Variants in ANKRD55 observed in about 807,000 individuals in gnomAD.
The protein encoded by ANKRD55 is ankyrin repeat domain-containing protein 55.
In ANKRD55, 41 loss-of-function variants were observed where a neutral mutation model predicts 60.6. The observed-to-expected ratio is 0.68, with a 90% CI of 0.53 to 0.88. The LOEUF (loss-of-function observed/expected upper bound fraction) is 0.88, where lower values mean the gene tolerates loss of function less well. Ranked by LOEUF, ANKRD55 falls within the 40% of genes least tolerant of loss-of-function variation. ANKRD55 has a pLI of 0.00. For synonymous variants in ANKRD55, 264 were observed against 290.3 expected (o/e 0.91, Z 0.92); for missense variants, 732 against 767.6 (o/e 0.95, Z 0.55).
At chr5:56,155,126 T>C (rs1196208343) in intron 6 of ANKRD55, among the ~76,000 whole-genome samples, 1 of 151,558 alleles carries the variant, frequency 6.6e-6, no homozygotes, top group Non-Finnish European at 1.5e-5. Context: ...AGGGTTTCTG[T>C]GGTCCCATCT....
At chr5:56,155,095 G>T (rs893619820) in intron 6 of ANKRD55, among the ~76,000 whole-genome samples, 4 of 151,964 alleles carry the variant, frequency 2.6e-5, no homozygotes, top group African/African-American at 9.7e-5. Context: ...AGCTGGGTAT[G>T]GTTGTGCATG....
intron 6 of ANKRD55, among the ~76,000 whole-genome samples, chr5:56,158,202 C>T (rs1397020008): frequency 6.6e-6 from 1 of 151,914 alleles, no homozygotes; most frequent in African/African-American, 2.4e-5. Flanking sequence ...AAGGCAGATG[C>T]GGGGGCATCT....
Position 56,159,858 on chromosome 5 carries a change from C to T in ANKRD55, c.458G>A (p.Ser153Asn), listed in dbSNP as rs1758281541. Residue 153 changes from serine (S) to asparagine (N), a missense_variant, in exon 6 of 12, where the codon AGC becomes AAC. By Grantham distance (46) the Ser-to-Asn change is conservative. Coordinates refer to ENST00000341048, the MANE Select transcript of ANKRD55 (RefSeq NM_024669.3). ...CTCATTGTCCTGGTGATTAATCTCGCTGATGTTCGACTGTTGCAACAGGAC... is the reference window on the plus strand; with the variant it reads ...CTCATTGTCCTGGTGATTAATCTCGTTGATGTTCGACTGTTGCAACAGGAC... ...LTVLLQQSNI[S>N]EINHQDNEGM... 1 of 1,613,886 alleles carries T rather than the reference C, an allele frequency of 6.2e-7. No homozygotes were observed. Among genetic ancestry groups the T allele is most frequent in the Non-Finnish European group, 8.5e-7 (1 of 1,179,880 alleles).
chr5:56,206,545 A>G (rs1230190848), intron 2 of ANKRD55, among the ~76,000 whole-genome samples: 3 of 152,168 alleles, frequency 2.0e-5, no homozygotes, highest in East Asian at 1.9e-4. Context: ...GCATCATGCA[A>G]TGGAGGAGTG....
At chr5:56,209,295 G>C (rs941135951) in intron 2 of ANKRD55, among the ~76,000 whole-genome samples, 8 of 152,018 alleles carry the variant, frequency 5.3e-5, no homozygotes, top group Admixed American at 1.3e-4. Context: ...CATGTCATAA[G>C]ATAAAATTTG....
In ANKRD55 at chr5:56,111,108, A is replaced by G. The variant is rs778112997; in HGVS notation, c.1630+10T>C. On this transcript the variant is annotated intron_variant, in intron 10 of 11. Coordinates refer to ENST00000341048, the MANE Select transcript of ANKRD55 (RefSeq NM_024669.3). ...CCTGCTGAGAATGAACATGAAATCA[A>G]GGACATTACCTGATGATGGATTATG... 7 of 1,607,202 alleles carry G rather than the reference A, an allele frequency of 4.4e-6. No homozygotes were observed. The highest frequency in any genetic ancestry group is 1.3e-5 in the African/African-American group (1 of 74,798).
chr5:56,116,854 G>A (rs1756902526), intron 8 of ANKRD55, 72 bp from the exon 9 acceptor site: 1 of 1,418,118 alleles, frequency 7.1e-7, no homozygotes, highest in Admixed American at 2.9e-5. Flanking sequence ...GCCAGCAACA[G>A]CTCCTGCTCA....
intron 2 of ANKRD55, among the ~76,000 whole-genome samples, chr5:56,210,592 G>C (rs994132843): frequency 9.5e-5 from 14 of 147,548 alleles, no homozygotes; most frequent in African/African-American, 3.5e-4. Flanking sequence ...AAAAGAAAGT[G>C]CTTTATATAC....
At position 56,127,074 on chromosome 5, in the gene ANKRD55, C is replaced by T. The variant is rs777177240; in HGVS notation, c.645G>A (p.Leu215=). The part of the protein sequence containing the change: ...SGNRILCSII[L]SHHQGPSIIN... Reference sequence around the variant, plus strand: ...TTATGGACGGCCCCTGGTGATGGCTCAGAATGATGGAGCACAGAATCCTAT... The same window carrying T: ...TTATGGACGGCCCCTGGTGATGGCTTAGAATGATGGAGCACAGAATCCTAT... The change falls in exon 8 of 12, where the codon CTG becomes CTA. Residue 215 remains leucine (L), a synonymous_variant. Transcript: ENST00000341048. The T allele has an allele frequency of 6.8e-6, 11 of 1,612,914 alleles. No individual in the cohort carries two copies. The East Asian group carries it at 1.6e-4, about 23-fold the overall frequency.
chr5:56,188,568 C>T (rs963699423), intron 2 of ANKRD55, among the ~76,000 whole-genome samples: 2 of 152,092 alleles, frequency 1.3e-5, no homozygotes, highest in Non-Finnish European at 2.9e-5. Flanking sequence ...CTTTTATTGA[C>T]GAGACTGTCC....
At chr5:56,199,036 C>T (rs1206292689) in intron 2 of ANKRD55, among the ~76,000 whole-genome samples, 3 of 151,928 alleles carry the variant, frequency 2.0e-5, no homozygotes, top group Admixed American at 6.6e-5. Flanking sequence ...GCCGAGATCG[C>T]GCCACTGCAC....
At chr5:56,166,154 C>CTTCT (rs1554040809) in intron 5 of ANKRD55, among the ~76,000 whole-genome samples, 2,215 of 71,472 alleles carry the variant, frequency 0.031, 219 homozygotes, top group African/African-American at 0.094. Context: ...TTCTTTCTTT[C>CTTCT]TTCTTTCCTT....
intron 10 of ANKRD55, among the ~76,000 whole-genome samples, chr5:56,105,275 T>A (rs549979690): frequency 2.0e-5 from 3 of 152,172 alleles, no homozygotes; most frequent in Non-Finnish European, 2.9e-5. Context: ...TTAGTAGAGA[T>A]GGGGTTTCAC....
chr5:56,112,512 A>AAAAAACAAACAAAAAAAAAAAAAACC, intron 9 of ANKRD55, among the ~76,000 whole-genome samples: 1 of 111,442 alleles, frequency 9.0e-6, no homozygotes. Context: ...AGCAAAAAAA[A>AAAAAACAAACAAAAAAAAAAAAAACC]AAAAAAAAAA....
chr5:56,137,187 G>A (rs548605632), intron 7 of ANKRD55: 70 of 1,607,032 alleles, frequency 4.4e-5, no homozygotes, highest in Admixed American at 1.2e-4. Flanking sequence ...TGGCAAGTGT[G>A]CCCAGGCCAA....
intron 7 of ANKRD55, among the ~76,000 whole-genome samples, chr5:56,142,012 C>T (rs1183234782): frequency 4.6e-5 from 7 of 152,056 alleles, no homozygotes; most frequent in Non-Finnish European, 1.0e-4. Context: ...ATGATTTTGC[C>T]AAAGTGCCTC....
intron 4 of ANKRD55, among the ~76,000 whole-genome samples, chr5:56,173,572 CTCTCTCTCTCTA>C (rs1253729673): frequency 9.5e-4 from 101 of 106,050 alleles, no homozygotes; most frequent in African/African-American, 3.0e-3. Context: ...CTCTCTCTCT[CTCTCTCTCTCTA>C]TATATATATA....
chr5:56,213,554 C>G (rs989776118), intron 2 of ANKRD55, among the ~76,000 whole-genome samples: 2 of 151,478 alleles, frequency 1.3e-5, no homozygotes, highest in South Asian at 2.1e-4. Flanking sequence ...TTTCCTCTAT[C>G]GAATAGTACA....
intron 7 of ANKRD55, chr5:56,137,474 G>T: frequency 1.2e-6 from 1 of 802,510 alleles, no homozygotes; most frequent in South Asian, 1.3e-5. Context: ...AGATTGCCCA[G>T]AAGAAAAAGA....
Sources: gnomAD v4.1 joint callset for allele counts (sites outside exome capture counted in the v4.1 genomes callset) on GRCh38, gnomAD v4.1.1 for gene constraint, MANE v1.5 for transcripts, NCBI Gene and HGNC (gene_info 2026-07-23, HGNC 2026-07-21) for gene names.